The following BMPR1B variants were observed in gnomAD, a reference collection of about 807,000 sequenced individuals.
BMPR1B encodes bone morphogenetic protein receptor type-1B.
In BMPR1B, 12 loss-of-function variants were observed where a neutral mutation model predicts 59.1. The observed-to-expected ratio is 0.20, with a 90% CI of 0.13 to 0.33. The LOEUF (loss-of-function observed/expected upper bound fraction) is 0.33, where lower values mean the gene tolerates loss of function less well. Ranked by LOEUF, BMPR1B falls within the 10% of genes least tolerant of loss-of-function variation. BMPR1B has a pLI of 1.00. For synonymous variants in BMPR1B, 237 were observed against 207.3 expected (o/e 1.14, Z -1.23); for missense variants, 550 against 610.9 (o/e 0.90, Z 1.05).
chr4:94,939,401 G>A (rs1729430406), intron 2 of BMPR1B, among the ~76,000 whole-genome samples: 2 of 152,166 alleles, frequency 1.3e-5, no homozygotes, highest in Admixed American at 1.3e-4. Context: ...GTTCTTGACA[G>A]TGTGGGGTCT....
chr4:94,853,157 G>A (rs1215821784), intron 1 of BMPR1B, among the ~76,000 whole-genome samples: 1 of 152,096 alleles, frequency 6.6e-6, no homozygotes, highest in African/African-American at 2.4e-5. Flanking sequence ...TTAAAAATGA[G>A]CAAATGTTTA....
intron 1 of BMPR1B, among the ~76,000 whole-genome samples, chr4:94,766,590 T>G (rs1054608581): frequency 1.3e-5 from 2 of 152,032 alleles, no homozygotes; most frequent in African/African-American, 4.8e-5. Context: ...GTTATTTTTT[T>G]AATTGTAAAG....
chr4:95,030,316 G>A (rs941791539), intron 3 of BMPR1B, among the ~76,000 whole-genome samples: 1 of 152,152 alleles, frequency 6.6e-6, no homozygotes, highest in Non-Finnish European at 1.5e-5. Context: ...AAGGGATCCA[G>A]TTTCAGCTTT....
intron 1 of BMPR1B, among the ~76,000 whole-genome samples, chr4:94,770,033 A>G (rs1411339157): frequency 1.3e-5 from 2 of 152,132 alleles, no homozygotes; most frequent in South Asian, 4.1e-4. Flanking sequence ...TTTATGGGGT[A>G]TGTAGAGTCT....
intron 1 of BMPR1B, among the ~76,000 whole-genome samples, chr4:94,856,032 G>A (rs916875): frequency 0.12 from 17,971 of 152,110 alleles, 1,109 homozygotes; most frequent in Non-Finnish European, 0.13. Context: ...GGCCCAGGGG[G>A]AATACAACAA....
intron 1 of BMPR1B, among the ~76,000 whole-genome samples, chr4:94,866,188 A>G (rs1315262269): frequency 1.3e-5 from 2 of 152,164 alleles, no homozygotes; most frequent in Admixed American, 1.3e-4. Flanking sequence ...GTCACCATCC[A>G]TCTTCTCAAG....
At chr4:94,815,290 G>GATT (rs1723968481) in intron 1 of BMPR1B, among the ~76,000 whole-genome samples, 1 of 152,084 alleles carries the variant, frequency 6.6e-6, no homozygotes, top group South Asian at 2.1e-4. Context: ...TAGTTGTAAT[G>GATT]ATTATACATT....
intron 1 of BMPR1B, among the ~76,000 whole-genome samples, chr4:94,783,350 A>G (rs752886106): frequency 6.6e-6 from 1 of 152,174 alleles, no homozygotes; most frequent in Non-Finnish European, 1.5e-5. Context: ...TATCTGGCTT[A>G]TAATATAGTT....
At chr4:94,872,202 C>A (rs770606294) in intron 1 of BMPR1B, among the ~76,000 whole-genome samples, 1 of 152,078 alleles carries the variant, frequency 6.6e-6, no homozygotes. Flanking sequence ...CTTTTAGCTT[C>A]TATAGCTTTG....
At chr4:94,834,883 G>T (rs911869119) in intron 1 of BMPR1B, among the ~76,000 whole-genome samples, 3 of 150,698 alleles carry the variant, frequency 2.0e-5, no homozygotes, top group African/African-American at 4.9e-5. Flanking sequence ...GAACCAAATA[G>T]TTCTTAAGAA....
intron 1 of BMPR1B, among the ~76,000 whole-genome samples, chr4:94,857,232 TAAATTAACAAATATTTAAGAAAATGTGCC>T (rs1257971862): frequency 6.6e-6 from 1 of 152,152 alleles, no homozygotes; most frequent in African/African-American, 2.4e-5. Context: ...CAAATTAAAA[TAAATTAACAAATATTTAAGAAAATGTGCC>T]AAATTAACAA....
At chr4:94,834,660 C>G (rs1252066176) in intron 1 of BMPR1B, among the ~76,000 whole-genome samples, 1 of 130,298 alleles carries the variant, frequency 7.7e-6, no homozygotes, top group Non-Finnish European at 1.7e-5. Context: ...AGTTTAGAAC[C>G]TTATGAACTG....
At chr4:94,891,161 G>A (rs1727379076) in intron 2 of BMPR1B, among the ~76,000 whole-genome samples, 1 of 152,066 alleles carries the variant, frequency 6.6e-6, no homozygotes, top group Admixed American at 6.6e-5. Flanking sequence ...TAGTATTTGT[G>A]TGGTACATTA....
At chr4:95,025,807 T>A (rs1231662041) in intron 3 of BMPR1B, among the ~76,000 whole-genome samples, 11 of 152,218 alleles carry the variant, frequency 7.2e-5, no homozygotes, top group Non-Finnish European at 1.3e-4. Flanking sequence ...TTCACTAGAA[T>A]GGTTTTTTAA....
intron 1 of BMPR1B, among the ~76,000 whole-genome samples, chr4:94,832,066 A>T (rs904760288): frequency 6.7e-6 from 1 of 149,592 alleles, no homozygotes; most frequent in African/African-American, 2.4e-5. Context: ...TAATATTAAT[A>T]ATAATAAAGT....
At chr4:95,028,882 T>C (rs1273215338) in intron 3 of BMPR1B, among the ~76,000 whole-genome samples, 1 of 151,962 alleles carries the variant, frequency 6.6e-6, no homozygotes, top group Non-Finnish European at 1.5e-5. Flanking sequence ...CCAAGCATTG[T>C]ACATTAATTA....
At chr4:94,818,743 C>T (rs1235246803) in intron 1 of BMPR1B, among the ~76,000 whole-genome samples, 1 of 152,108 alleles carries the variant, frequency 6.6e-6, no homozygotes, top group Non-Finnish European at 1.5e-5. Flanking sequence ...TGCATAGTAG[C>T]CTCACTTGAA....
intron 2 of BMPR1B, among the ~76,000 whole-genome samples, chr4:94,992,995 C>T (rs1268224326): frequency 6.6e-6 from 1 of 152,164 alleles, no homozygotes; most frequent in African/African-American, 2.4e-5. Context: ...GGGATCCTCT[C>T]ACATCAGCTG....
chr4:94,847,983 C>T (rs565124799), intron 1 of BMPR1B, among the ~76,000 whole-genome samples: 1 of 151,780 alleles, frequency 6.6e-6, no homozygotes, highest in African/African-American at 2.4e-5. Flanking sequence ...CCTCATTTAC[C>T]CTGATGTGAT....
Sources: allele counts gnomAD v4.1 joint callset (sites outside exome capture counted in the v4.1 genomes callset), GRCh38; gene constraint gnomAD v4.1.1; transcripts MANE v1.5; gene names NCBI Gene and HGNC (gene_info 2026-07-23, HGNC 2026-07-21).